Variants in CNOT6 observed in about 807,000 individuals in gnomAD.
CNOT6 encodes the protein carbon catabolite repression 4 protein.
CNOT6 carries 12 observed loss-of-function variants against 61.2 expected under a neutral mutation model. The ratio of observed to expected loss-of-function variants is 0.20; its 90% CI spans 0.13 to 0.32. The LOEUF (loss-of-function observed/expected upper bound fraction) is 0.32. Among genes scored for constraint, CNOT6 ranks in the 10% least tolerant of loss-of-function variants. The probability of loss-of-function intolerance (pLI) is 1.00; values close to 1 mark genes in which losing one functional copy is unlikely to be tolerated. For missense variants in CNOT6, 405 were observed against 663.9 expected, an observed-to-expected ratio of 0.61 and a Z score of 4.28; for synonymous variants, 225 against 240.6, an observed-to-expected ratio of 0.94 and a Z score of 0.60.
chr5:180,568,694 T>C (rs1760593892), intron 9 of CNOT6, among the ~76,000 whole-genome samples: 1 of 152,268 alleles, frequency 6.6e-6, no homozygotes, highest in South Asian at 2.1e-4. Flanking sequence ...TTGTGTCACT[T>C]GAGGAACAGT....
At chr5:180,555,064 C>T (rs1759814730) in intron 4 of CNOT6, among the ~76,000 whole-genome samples, 1 of 151,226 alleles carries the variant, frequency 6.6e-6, no homozygotes, top group Admixed American at 6.6e-5. Flanking sequence ...AGTGCAGTGG[C>T]ATCATGATAT....
chr5:180,560,269 G>T (rs1760097991), intron 4 of CNOT6, among the ~76,000 whole-genome samples: 1 of 151,998 alleles, frequency 6.6e-6, no homozygotes, highest in African/African-American at 2.4e-5. Context: ...TGTCAAACGT[G>T]ATTTAGAAAA....
intron 2 of CNOT6, among the ~76,000 whole-genome samples, chr5:180,541,313 AT>A: frequency 6.7e-6 from 1 of 148,876 alleles, no homozygotes; most frequent in Non-Finnish European, 1.5e-5. Context: ...TAATTTTTTT[AT>A]TTTTAGTAGA....
intron 1 of CNOT6, among the ~76,000 whole-genome samples, chr5:180,517,102 T>G (rs1009283521): frequency 6.6e-6 from 1 of 152,124 alleles, no homozygotes; most frequent in East Asian, 1.9e-4. Context: ...TAGCATTTCA[T>G]TAATGCCAAT....
chr5:180,517,115 T>A (rs1757669435), intron 1 of CNOT6, among the ~76,000 whole-genome samples: 1 of 152,200 alleles, frequency 6.6e-6, no homozygotes, highest in Non-Finnish European at 1.5e-5. Context: ...ATGCCAATAT[T>A]CATCTAATGC....
intron 7 of CNOT6, among the ~76,000 whole-genome samples, chr5:180,566,698 C>T (rs914781236): frequency 3.0e-5 from 4 of 133,676 alleles, no homozygotes; most frequent in Non-Finnish European, 4.6e-5. Flanking sequence ...CTTTCTCTGT[C>T]CCCCAGGCTG....
At chr5:180,566,968 A>G (rs770511739) in intron 7 of CNOT6, 120 bp from the exon 8 acceptor site, 4 of 978,768 alleles carry the variant, frequency 4.1e-6, no homozygotes. Flanking sequence ...AAGATGTTAC[A>G]TTCTTTAATC....
intron 1 of CNOT6, among the ~76,000 whole-genome samples, chr5:180,513,944 T>G (rs955099571): frequency 1.3e-5 from 2 of 151,730 alleles, no homozygotes; most frequent in African/African-American, 2.4e-5. Flanking sequence ...CCTCATGATC[T>G]GCCCTCCTCG....
intron 2 of CNOT6, chr5:180,534,442 G>C (rs774097892): frequency 6.1e-6 from 1 of 163,798 alleles, no homozygotes; most frequent in African/African-American, 2.4e-5. Context: ...TTGGTGTGCA[G>C]ATCACACACG....
intron 1 of CNOT6, among the ~76,000 whole-genome samples, chr5:180,517,624 A>C (rs568845191): frequency 6.6e-6 from 1 of 151,540 alleles, no homozygotes; most frequent in Admixed American, 6.6e-5. Context: ...GCTCACTGCA[A>C]CCTCTGCCTC....
chr5:180,550,166 A>C, intron 3 of CNOT6, 49 bp downstream of exon 3: 1 of 1,467,404 alleles, frequency 6.8e-7, no homozygotes, highest in Non-Finnish European at 9.5e-7. Context: ...CCCTAAAACA[A>C]AATATAGGCC....
intron 1 of CNOT6, among the ~76,000 whole-genome samples, chr5:180,497,157 G>C (rs1258503734): frequency 6.6e-6 from 1 of 152,034 alleles, no homozygotes; most frequent in Non-Finnish European, 1.5e-5. Context: ...ATGAAACCCT[G>C]TCTCTACTAA....
chr5:180,539,594 T>G lies in CNOT6; in HGVS notation c.112+10206T>G, dbSNP rs1167178976. Among the ~76,000 whole-genome samples the G allele has an allele frequency of 1.9e-3, 132 of 70,418 alleles. 17 individuals carry two copies. The highest frequency in any genetic ancestry group is 7.6e-3 in the African/African-American group (128 of 16,922). The allele number at this position is 70,418 out of a possible 152,430, so 46.2% of individuals were successfully genotyped here. A position where few individuals can be genotyped will look rare whatever the true frequency, so the allele number is the denominator to read the frequency against. On this transcript the variant is annotated intron_variant, in intron 2 of 11. Coordinates refer to ENST00000261951, the MANE Select transcript of CNOT6 (RefSeq NM_001370472.1). ...TTTTTTTTTTTTTTTTTTTTTTTTT[T>G]TTTTTTTTTTTTTGAGACGGAGTCT...
At chr5:180,556,749 G>A (rs1357305977) in intron 4 of CNOT6, among the ~76,000 whole-genome samples, 6 of 152,138 alleles carry the variant, frequency 3.9e-5, no homozygotes, top group Non-Finnish European at 7.3e-5. Flanking sequence ...TCAGGGGATC[G>A]AGACCATCCT....
At chr5:180,550,306 C>A (rs1188825286) in intron 3 of CNOT6, among the ~76,000 whole-genome samples, 189 bp downstream of exon 3, 2 of 151,924 alleles carry the variant, frequency 1.3e-5, no homozygotes, top group African/African-American at 4.8e-5. Context: ...AAAAAATTAG[C>A]CAGGCGTGGT....
intron 1 of CNOT6, among the ~76,000 whole-genome samples, chr5:180,513,574 A>G (rs1489216858): frequency 1.4e-5 from 2 of 144,670 alleles, no homozygotes; most frequent in Non-Finnish European, 3.1e-5. Context: ...GGGTTTCACC[A>G]TATTGGCCAG....
In CNOT6 at chr5:180,572,965, C is replaced by G. The variant is rs1370449472; in HGVS notation, c.1462-1023C>G. 1.2e-4 allele frequency among the ~76,000 whole-genome samples: 19 copies of G among 152,250 alleles called. No homozygotes were observed. In the East Asian group the frequency reaches 3.5e-3, roughly 28 times the overall value. On this transcript the variant is annotated intron_variant, in intron 11 of 11. Coordinates refer to ENST00000261951, the MANE Select transcript of CNOT6 (RefSeq NM_001370472.1). ...AAAGTAATCATTTAGATTAGACTGT[C>G]AGAGTGTAAATAAGAGTTTAGATAG...
chr5:180,518,746 C>G (rs949856718), intron 1 of CNOT6, among the ~76,000 whole-genome samples: 12 of 152,250 alleles, frequency 7.9e-5, no homozygotes, highest in African/African-American at 2.9e-4. Flanking sequence ...AGCAGGCCTC[C>G]TGCCTTGGCC....
intron 2 of CNOT6, among the ~76,000 whole-genome samples, chr5:180,533,008 C>G (rs140100259): frequency 1.3e-5 from 2 of 152,146 alleles, no homozygotes; most frequent in Non-Finnish European, 2.9e-5. Flanking sequence ...CCTGTTCTTT[C>G]GGGTTTTTAT....
Sources: gnomAD v4.1 joint callset for allele counts (sites outside exome capture counted in the v4.1 genomes callset) on GRCh38, gnomAD v4.1.1 for gene constraint, MANE v1.5 for transcripts, NCBI Gene and HGNC (gene_info 2026-07-23, HGNC 2026-07-21) for gene names.